CAPN8: variants seen among roughly 807,000 people sequenced by gnomAD.
CAPN8 encodes calpain-8.
Under a neutral mutation model 80.9 loss-of-function variants are expected in CAPN8, and 87 were observed. The ratio of observed to expected loss-of-function variants is 1.07; its 90% CI spans 0.90 to 1.28. The LOEUF (loss-of-function observed/expected upper bound fraction) is 1.28, where lower values mean the gene tolerates loss of function less well. Ranked by LOEUF, CAPN8 falls within the 50% of genes most tolerant of loss-of-function variation. CAPN8 has a pLI of 0.00. For synonymous variants in CAPN8, 299 were observed against 273.8 expected, an observed-to-expected ratio of 1.09 and a Z score of -0.91; for missense variants, 757 against 702.0, an observed-to-expected ratio of 1.08 and a Z score of -0.89.
At chr1:223,612,363 G>A (rs930118918) in intron 10 of CAPN8, 106 bp from the exon 11 acceptor site, 2 of 1,000,204 alleles carry the variant, frequency 2.0e-6, no homozygotes, top group Non-Finnish European at 2.6e-6. Flanking sequence ...CAGTCCTGGG[G>A]CAACTGAGGA....
Position 223,665,682 on chromosome 1 carries a change from G to T in CAPN8, c.-36C>A, listed in dbSNP as rs977419904. On this transcript the variant is annotated 5_prime_UTR_variant, in exon 1 of 21. Transcript: ENST00000366872. The stretch of plus-strand genomic sequence containing the variant: ...TCTGTAGGGTGGACAGAAGGGCAGG[G>T]CTGCACTGTACTCTCAGACACCTGC... 6 of 1,503,262 alleles carry T rather than the reference G, an allele frequency of 4.0e-6. No homozygotes were observed. Among genetic ancestry groups the T allele is most frequent in the Non-Finnish European group, 5.4e-6 (6 of 1,104,920 alleles). 93.1% of individuals were successfully genotyped at this position (1,503,262 alleles called of 1,614,324 possible). A position where few individuals can be genotyped will look rare whatever the true frequency, so the allele number is the denominator to read the frequency against.
At chr1:223,644,690 G>A (rs190310284) in intron 2 of CAPN8, among the ~76,000 whole-genome samples, 1 of 152,282 alleles carries the variant, frequency 6.6e-6, no homozygotes, top group Non-Finnish European at 1.5e-5. Flanking sequence ...GTCTGGGAAG[G>A]TCTCCCGGCT....
intron 2 of CAPN8, among the ~76,000 whole-genome samples, chr1:223,639,816 T>C (rs1264786846): frequency 2.6e-5 from 4 of 152,246 alleles, no homozygotes; most frequent in Non-Finnish European, 5.9e-5. Flanking sequence ...TTAATGCCCA[T>C]TTGCCAGACA....
At chr1:223,635,166 C>T (rs541228008) in intron 2 of CAPN8, among the ~76,000 whole-genome samples, 4 of 152,322 alleles carry the variant, frequency 2.6e-5, no homozygotes, top group African/African-American at 9.6e-5. Flanking sequence ...CATCCTTAGC[C>T]TACTCTTCCA....
In CAPN8 at chr1:223,609,283, T is replaced by C. The variant is rs1162486210; in HGVS notation, c.1405A>G (p.Asn469Asp). 5.0e-6 allele frequency: 2 copies of C among 398,394 alleles called. No individual in the cohort carries two copies. Among genetic ancestry groups the C allele is most frequent in the Non-Finnish European group, 8.8e-6 (2 of 226,078 alleles). The allele number at this position is 398,394 out of a possible 1,614,324, so 24.7% of individuals were successfully genotyped here. The change falls in exon 12 of 21, where the codon AAC (asparagine) becomes GAC (aspartate). Residue 469 changes from asparagine to aspartate, a missense_variant. By Grantham distance (23) the Asn-to-Asp change is conservative. Transcript: ENST00000366872. ...QPSARTSTYV[N>D]LREVSGRARL... ...GCCCGGCCAGAGACCTCCCGCAGGT[T>C]GACGTAGGTGCTGGTGCGGGCTGAG... is the stretch of plus-strand genomic sequence containing the variant.
chr1:223,628,156 A>G lies in CAPN8; in HGVS notation c.427-14T>C, dbSNP rs773891201. 2.4e-4 allele frequency: 361 copies of G among 1,532,630 alleles called. No homozygotes were observed. Among genetic ancestry groups the G allele is most frequent in the Non-Finnish European group, 3.0e-4 (336 of 1,136,234 alleles). The allele number at this position is 1,532,630 out of a possible 1,614,324, so 94.9% of individuals were successfully genotyped here. On this transcript the variant is annotated splice_polypyrimidine_tract_variant and intron_variant, in intron 3 of 20. Transcript: ENST00000366872. ...GTACTGCCAGAACTGGGGAGGGGGGACACAGCGGCTGCTCACATGAATAAG... is the reference window on the plus strand; with the variant it reads ...GTACTGCCAGAACTGGGGAGGGGGGGCACAGCGGCTGCTCACATGAATAAG...
chr1:223,611,660 C>T (rs762966707), intron 11 of CAPN8, among the ~76,000 whole-genome samples: 6 of 152,214 alleles, frequency 3.9e-5, no homozygotes, highest in Non-Finnish European at 7.3e-5. Flanking sequence ...AATTTGAGGG[C>T]TCACCTGCCC....
At chr1:223,546,323 T>A (rs1278541829) in intron 16 of CAPN8, among the ~76,000 whole-genome samples, 3 of 152,156 alleles carry the variant, frequency 2.0e-5, no homozygotes, top group Non-Finnish European at 2.9e-5. Context: ...AGTTTGAGGC[T>A]GCAGTGAGCT....
chr1:223,543,584 A>G (rs1437811690), intron 19 of CAPN8, among the ~76,000 whole-genome samples: 1 of 152,164 alleles, frequency 6.6e-6, no homozygotes, highest in Non-Finnish European at 1.5e-5. Context: ...CCTCAGTGGA[A>G]GGAAAAATCC....
intron 1 of CAPN8, among the ~76,000 whole-genome samples, chr1:223,662,504 CG>C (rs1443628828): frequency 6.6e-6 from 1 of 151,914 alleles, no homozygotes; most frequent in African/African-American, 2.4e-5. Flanking sequence ...AAACGAAATT[CG>C]GGGAAGAATG....
At chr1:223,623,870 C>T (rs973217277) in intron 6 of CAPN8, among the ~76,000 whole-genome samples, 49 of 151,938 alleles carry the variant, frequency 3.2e-4, no homozygotes, top group Non-Finnish European at 2.4e-4. Flanking sequence ...CGTGGTGGCG[C>T]GTGCCTGTAA....
At chr1:223,555,790 G>A (rs1223474911) in intron 13 of CAPN8, among the ~76,000 whole-genome samples, 1 of 152,200 alleles carries the variant, frequency 6.6e-6, no homozygotes, top group Non-Finnish European at 1.5e-5. Flanking sequence ...TGGACATTGG[G>A]AATGAGGAAA....
chr1:223,643,769 GC>G (rs1658108245), intron 2 of CAPN8, among the ~76,000 whole-genome samples: 1 of 152,180 alleles, frequency 6.6e-6, no homozygotes, highest in Admixed American at 6.5e-5. Context: ...ACAGGTGAAA[GC>G]CGACTGGCAT....
chr1:223,635,279 G>T (rs993177662), intron 2 of CAPN8, among the ~76,000 whole-genome samples: 2 of 152,054 alleles, frequency 1.3e-5, no homozygotes, highest in Non-Finnish European at 2.9e-5. Context: ...TGGTGAACAC[G>T]CCTTTTGAAG....
intron 2 of CAPN8, among the ~76,000 whole-genome samples, chr1:223,643,324 G>A (rs140874817): frequency 2.6e-5 from 4 of 152,332 alleles, no homozygotes; most frequent in Non-Finnish European, 5.9e-5. Context: ...GTATCCTGAG[G>A]TTTCCAAATA....
At chr1:223,652,864 T>C (rs575301310) in intron 2 of CAPN8, among the ~76,000 whole-genome samples, 311 of 152,224 alleles carry the variant, frequency 2.0e-3, no homozygotes, top group African/African-American at 7.1e-3. Flanking sequence ...GTTCATTTCC[T>C]GTGCTTCCAG....
chr1:223,543,242 T>C (rs1572217805), intron 19 of CAPN8, 76 bp from the exon 20 acceptor site: 11 of 1,493,442 alleles, frequency 7.4e-6, no homozygotes, highest in Non-Finnish European at 9.1e-6. Flanking sequence ...GCTGCCTCTG[T>C]CTACCCCATC....
Position 223,541,733 on chromosome 1 carries a change from C to G in CAPN8, c.*103G>C. ...CCAGGGCAAGAAAGGTATGAACAAC[C>G]AGTGAATGCCACTGGAGCATAAATG... On this transcript the variant is annotated 3_prime_UTR_variant, in exon 21 of 21. Coordinates refer to ENST00000366872, the MANE Select transcript of CAPN8 (RefSeq NM_001143962.2). The G allele has an allele frequency of 1.3e-6, 2 of 1,526,438 alleles. No individual in the cohort carries two copies. Among genetic ancestry groups the G allele is most frequent in the Middle Eastern group, 1.9e-4 (1 of 5,158 alleles). 94.6% of individuals were successfully genotyped at this position (1,526,438 alleles called of 1,614,324 possible).
chr1:223,542,651 G>A (rs934206325), intron 20 of CAPN8, among the ~76,000 whole-genome samples: 1 of 152,106 alleles, frequency 6.6e-6, no homozygotes, highest in African/African-American at 2.4e-5. Flanking sequence ...GTGTCCACGG[G>A]GGAAGTACTC....
Sources: allele counts gnomAD v4.1 joint callset (sites outside exome capture counted in the v4.1 genomes callset), GRCh38; gene constraint gnomAD v4.1.1; transcripts MANE v1.5; gene names NCBI Gene and HGNC (gene_info 2026-07-23, HGNC 2026-07-21).